Variants in ZFHX3 observed in about 807,000 individuals in gnomAD.
ZFHX3 encodes the protein zinc finger homeobox protein 3.
ZFHX3 carries 42 observed loss-of-function variants against 279.1 expected under a neutral mutation model. That is an observed-to-expected ratio of 0.15 (90% CI 0.12 to 0.19). ZFHX3 has a LOEUF of 0.19. Among genes scored for constraint, ZFHX3 ranks in the 10% least tolerant of loss-of-function variants. The pLI, the probability that ZFHX3 is intolerant of heterozygous loss-of-function variation, is 1.00. For synonymous variants in ZFHX3, 2,293 were observed against 1,957.8 expected, an observed-to-expected ratio of 1.17 and a Z score of -4.52; for missense variants, 4,981 against 4,754.0, an observed-to-expected ratio of 1.05 and a Z score of -1.40.
intron 5 of ZFHX3, among the ~76,000 whole-genome samples, chr16:73,223,669 T>C (rs1158373818): frequency 1.3e-5 from 2 of 152,180 alleles, no homozygotes; most frequent in Non-Finnish European, 2.9e-5. Flanking sequence ...TTAAACATAC[T>C]CTTCCACATG....
chr16:72,901,413 C>A (rs973155889), intron 3 of ZFHX3, among the ~76,000 whole-genome samples: 1 of 152,188 alleles, frequency 6.6e-6, no homozygotes, highest in African/African-American at 2.4e-5. Flanking sequence ...ACATTCATCA[C>A]CTTCATAATG....
intron 2 of ZFHX3, among the ~76,000 whole-genome samples, chr16:73,500,704 A>C (rs868843748): frequency 4.0e-5 from 6 of 151,692 alleles, no homozygotes; most frequent in Admixed American, 6.5e-5. Flanking sequence ...AAAAAAAAAA[A>C]AAAAACCTCA....
intron 1 of ZFHX3, among the ~76,000 whole-genome samples, chr16:73,838,760 GTC>G (rs1022395647): frequency 1.9e-4 from 24 of 126,218 alleles, no homozygotes; most frequent in East Asian, 1.6e-3. Flanking sequence ...GCGTGTGTGT[GTC>G]TGTGTGTGTG....
intron 1 of ZFHX3, chr16:73,794,378 T>C (rs1959928912): frequency 6.6e-6 from 1 of 152,228 alleles, no homozygotes; most frequent in South Asian, 2.1e-4. Context: ...CTCATCAATT[T>C]CAAGAAACAT....
At chr16:73,157,265 GGTTTTCCGTGACA>G (rs1967111559) in intron 5 of ZFHX3, among the ~76,000 whole-genome samples, 1 of 151,936 alleles carries the variant, frequency 6.6e-6, no homozygotes, top group Non-Finnish European at 1.5e-5. Flanking sequence ...TTAAGTCCTG[GGTTTTCCGTGACA>G]GTTGTTCCCT....
At chr16:73,045,681 T>C (rs957066058) in intron 1 of ZFHX3, among the ~76,000 whole-genome samples, 1 of 142,878 alleles carries the variant, frequency 7.0e-6, no homozygotes, top group African/African-American at 2.6e-5. Context: ...ATTATTATTA[T>C]TATTGAATAG....
chr16:73,665,755 C>A (rs1026895872), intron 2 of ZFHX3, among the ~76,000 whole-genome samples: 5 of 150,356 alleles, frequency 3.3e-5, no homozygotes, highest in Admixed American at 2.0e-4. Context: ...CACTGTGGAC[C>A]AAATGATTTT....
chr16:73,210,884 G>C (rs2011988907), intron 5 of ZFHX3, among the ~76,000 whole-genome samples: 1 of 152,066 alleles, frequency 6.6e-6, no homozygotes, highest in African/African-American at 2.4e-5. Flanking sequence ...CTGAGCAGGT[G>C]GGATGCACAG....
At chr16:73,847,976 G>C (rs1376005023) in intron 1 of ZFHX3, among the ~76,000 whole-genome samples, 4 of 144,072 alleles carry the variant, frequency 2.8e-5, no homozygotes, top group Non-Finnish European at 4.5e-5. Context: ...GGCCAGACTG[G>C]TCTCAAACTC....
chr16:73,099,180 A>AATC (rs761744537), intron 7 of ZFHX3: 5 of 152,244 alleles, frequency 3.3e-5, no homozygotes, highest in Non-Finnish European at 7.3e-5. Flanking sequence ...TTCCTGAAAT[A>AATC]ATCTCTTGGA....
chr16:73,361,940 AG>A, intron 3 of ZFHX3, among the ~76,000 whole-genome samples: 1 of 152,286 alleles, frequency 6.6e-6, no homozygotes, highest in Non-Finnish European at 1.5e-5. Context: ...TGCCCCAATC[AG>A]GCAGCCCATC....
At chr16:73,027,519 A>G (rs1964556610) in intron 1 of ZFHX3, among the ~76,000 whole-genome samples, 1 of 152,234 alleles carries the variant, frequency 6.6e-6, no homozygotes, top group African/African-American at 2.4e-5. Flanking sequence ...TTTCAAGTTA[A>G]GAAACTTTCC....
At chr16:72,924,802 GC>G (rs1959353759) in intron 3 of ZFHX3, among the ~76,000 whole-genome samples, 1 of 152,284 alleles carries the variant, frequency 6.6e-6, no homozygotes, top group African/African-American at 2.4e-5. Flanking sequence ...CTCTCGTTTA[GC>G]CCCCGCCTCC....
intron 3 of ZFHX3, among the ~76,000 whole-genome samples, chr16:73,357,196 T>TTAA (rs1295865197): frequency 2.6e-5 from 4 of 151,744 alleles, no homozygotes; most frequent in Admixed American, 6.6e-5. Flanking sequence ...AGAATAGATC[T>TTAA]TAATAATAAT....
intron 2 of ZFHX3, among the ~76,000 whole-genome samples, chr16:73,626,667 T>C (rs2142142823): frequency 6.6e-6 from 1 of 152,188 alleles, no homozygotes; most frequent in African/African-American, 2.4e-5. Flanking sequence ...GCTGTCCCTC[T>C]TTCCATCTGC....
At chr16:73,864,795 A>G (rs1051935422) in intron 1 of ZFHX3, among the ~76,000 whole-genome samples, 73 of 107,780 alleles carry the variant, frequency 6.8e-4, no homozygotes, top group African/African-American at 2.7e-3. Flanking sequence ...GCCATTAGGC[A>G]TCCCAATACC....
chr16:73,113,979 G>T (rs1210337351), intron 7 of ZFHX3, among the ~76,000 whole-genome samples: 1 of 151,780 alleles, frequency 6.6e-6, no homozygotes, highest in Non-Finnish European at 1.5e-5. Context: ...TGTATTTTTA[G>T]TAGAGATGGG....
intron 1 of ZFHX3, among the ~76,000 whole-genome samples, chr16:73,823,047 T>G (rs1011120132): frequency 6.6e-6 from 1 of 152,164 alleles, no homozygotes; most frequent in African/African-American, 2.4e-5. Context: ...TCCCTGCCCT[T>G]ATGGAGCTTA....
intron 4 of ZFHX3, among the ~76,000 whole-genome samples, chr16:73,288,279 TC>T (rs2014680313): frequency 6.6e-6 from 1 of 151,978 alleles, no homozygotes. Flanking sequence ...CAAATAAAAA[TC>T]CGGCCAGGGG....
Sources: gnomAD v4.1 joint callset for allele counts (sites outside exome capture counted in the v4.1 genomes callset) on GRCh38, gnomAD v4.1.1 for gene constraint, MANE v1.5 for transcripts, NCBI Gene and HGNC (gene_info 2026-07-23, HGNC 2026-07-21) for gene names.